Variants in MTMR8 observed in about 807,000 individuals in gnomAD.
The protein encoded by MTMR8 is phosphatidylinositol-3,5-bisphosphate 3-phosphatase MTMR8.
Under a neutral mutation model 39.3 loss-of-function variants are expected in MTMR8, and 65 were observed. That is an observed-to-expected ratio of 1.65 (90% CI 1.35 to 2.03). The LOEUF (loss-of-function observed/expected upper bound fraction) is 2.03. Ranked by LOEUF, MTMR8 falls within the 30% of genes most tolerant of loss-of-function variation. MTMR8 has a pLI of 0.00. For synonymous variants in MTMR8, 245 were observed against 185.2 expected (o/e 1.32, Z -2.62); for missense variants, 777 against 538.9 (o/e 1.44, Z -4.37).
chrX:64,374,484 G>A (rs1924210585), intron 1 of MTMR8, among the ~76,000 whole-genome samples: 1 of 111,886 alleles, frequency 8.9e-6, no homozygotes, highest in Non-Finnish European at 1.9e-5. Flanking sequence ...AATTAAAGAT[G>A]TCTAAGCACG....
intron 13 of MTMR8, among the ~76,000 whole-genome samples, chrX:64,269,513 A>G (rs1238946418): frequency 3.6e-5 from 4 of 111,447 alleles, no homozygotes; most frequent in African/African-American, 1.3e-4. Context: ...CTGACCCTGC[A>G]TCTGCCTGAT....
intron 1 of MTMR8, among the ~76,000 whole-genome samples, chrX:64,376,693 G>T (rs1026534443): frequency 8.9e-6 from 1 of 112,626 alleles, no homozygotes; most frequent in African/African-American, 3.2e-5. Flanking sequence ...TTGCAGCCTG[G>T]TCATGTGGTA....
chrX:64,348,967 C>T (rs762619899), intron 5 of MTMR8, among the ~76,000 whole-genome samples, 173 bp from the exon 6 acceptor site: 20 of 111,821 alleles, frequency 1.8e-4, no homozygotes, highest in Non-Finnish European at 1.9e-5. Flanking sequence ...TTGGGCTTAA[C>T]CTCCTGCCTA....
At chrX:64,315,036 A>C (rs1922425155) in intron 12 of MTMR8, among the ~76,000 whole-genome samples, 1 of 111,918 alleles carries the variant, frequency 8.9e-6, no homozygotes, top group Non-Finnish European at 1.9e-5. Flanking sequence ...ACTAAAGTCT[A>C]CTATGACAGC....
intron 1 of MTMR8, among the ~76,000 whole-genome samples, chrX:64,388,420 G>T (rs768127397): frequency 8.0e-5 from 9 of 111,883 alleles, no homozygotes; most frequent in Admixed American, 4.8e-4. Flanking sequence ...TGTAACAGGA[G>T]GAAGGAAGGG....
chrX:64,273,927 G>A lies in MTMR8; in HGVS notation c.1482-2854C>T, dbSNP rs1044613813. Among the ~76,000 whole-genome samples, 4 of 111,822 alleles carry A rather than the reference G, an allele frequency of 3.6e-5. No individual in the cohort carries two copies. The South Asian group carries it at 1.1e-3, about 31-fold the overall frequency. Reference sequence around the variant, plus strand: ...AAATATAACAATTATAAATGTATATGCATTCAACATCAAAATACCTAAATA... The same window carrying A: ...AAATATAACAATTATAAATGTATATACATTCAACATCAAAATACCTAAATA... On this transcript the variant is annotated intron_variant, in intron 12 of 13. Transcript: ENST00000374852.
At chrX:64,296,763 A>T (rs1345554033) in intron 12 of MTMR8, among the ~76,000 whole-genome samples, 2 of 83,274 alleles carry the variant, frequency 2.4e-5, no homozygotes, top group African/African-American at 4.8e-5. Context: ...CCAGAGTGTG[A>T]TATTCCCCTT....
intron 1 of MTMR8, among the ~76,000 whole-genome samples, chrX:64,367,313 G>T (rs769075607): frequency 4.7e-4 from 52 of 111,724 alleles, no homozygotes; most frequent in Non-Finnish European, 8.3e-4. Flanking sequence ...CAAAAAAAGA[G>T]AATTTTAGAC....
intron 12 of MTMR8, chrX:64,304,915 CATAT>C (rs1353698891): frequency 1.1e-4 from 5 of 45,096 alleles, no homozygotes; most frequent in Admixed American, 6.7e-4. Flanking sequence ...TATACACATA[CATAT>C]ATATATACAC....
intron 12 of MTMR8, among the ~76,000 whole-genome samples, chrX:64,272,595 C>T (rs1364918287): frequency 9.0e-6 from 1 of 110,924 alleles, no homozygotes; most frequent in African/African-American, 3.3e-5. Context: ...ATAGGAAGGA[C>T]TAGAAATCTT....
intron 1 of MTMR8, among the ~76,000 whole-genome samples, chrX:64,379,434 G>A (rs947864471): frequency 1.8e-5 from 2 of 111,499 alleles, no homozygotes; most frequent in African/African-American, 6.5e-5. Flanking sequence ...CCAGAAACTG[G>A]GCAGCTTAAG....
At chrX:64,325,750 C>T (rs1922772930) in intron 12 of MTMR8, among the ~76,000 whole-genome samples, 2 of 112,020 alleles carry the variant, frequency 1.8e-5, no homozygotes, top group Admixed American at 1.9e-4. Context: ...CCTACTTTTA[C>T]CACTTCTATT....
chrX:64,336,920 A>G (rs1415177421), intron 9 of MTMR8, among the ~76,000 whole-genome samples: 1 of 112,466 alleles, frequency 8.9e-6, no homozygotes, highest in East Asian at 2.8e-4. Flanking sequence ...GAAAACAATC[A>G]TAAGTCTGAC....
At chrX:64,295,905 G>C (rs1484959043) in intron 12 of MTMR8, among the ~76,000 whole-genome samples, 1 of 111,837 alleles carries the variant, frequency 8.9e-6, no homozygotes, top group Middle Eastern at 4.6e-3. Context: ...CTTCGAAGTC[G>C]TTTAAAAAGT....
At chrX:64,381,616 T>C (rs560951784) in intron 1 of MTMR8, among the ~76,000 whole-genome samples, 2 of 111,219 alleles carry the variant, frequency 1.8e-5, no homozygotes, top group Admixed American at 9.6e-5. Context: ...CAATTAGATC[T>C]CATTTGTCAA....
chrX:64,337,385 C>T lies in MTMR8; in HGVS notation c.984G>A (p.Lys328=). ...DAGIFITKAV[K]VEKASVLVHC... ...GGACTAAGACACTGGCCTTTTCTAC[C>T]TTCACTGCCTGTGAAGACAAGAGGC... is the stretch of plus-strand genomic sequence containing the variant. The change falls in exon 9 of 14, where the codon AAG becomes AAA. Residue 328 remains lysine, a synonymous_variant. Coordinates refer to ENST00000374852, the MANE Select transcript of MTMR8 (RefSeq NM_017677.4). 8.3e-7 allele frequency: 1 copy of T among 1,208,553 alleles called. No homozygotes were observed. The highest frequency in any genetic ancestry group is 1.1e-6 in the Non-Finnish European group (1 of 894,052).
intron 3 of MTMR8, among the ~76,000 whole-genome samples, chrX:64,355,656 G>A (rs767142328): frequency 2.3e-4 from 26 of 110,803 alleles, no homozygotes; most frequent in Non-Finnish European, 4.3e-4. Flanking sequence ...AGAGGAAGCT[G>A]GTTAATTGCC....
chrX:64,319,836 G>C (rs1002336155), intron 12 of MTMR8, among the ~76,000 whole-genome samples: 1 of 111,212 alleles, frequency 9.0e-6, no homozygotes, highest in South Asian at 3.9e-4. Context: ...GTCAGGTAGC[G>C]TGATGCCTCC....
At position 64,281,648 on chromosome X, in the gene MTMR8, T is replaced by C. The variant is rs190512740; in HGVS notation, c.1482-10575A>G. On this transcript the variant is annotated intron_variant, in intron 12 of 13. Transcript: ENST00000374852. ...TTCAGAAAATAGGCATGGGCAAAGA[T>C]TTTATGATGAAATTGCCAAAAGCAG... Among the ~76,000 whole-genome samples the C allele has an allele frequency of 1.4e-3, 161 of 111,739 alleles. 1 individual carries two copies. Among genetic ancestry groups the C allele is most frequent in the Non-Finnish European group, 2.4e-3 (130 of 53,135 alleles).
Sources: allele counts gnomAD v4.1 joint callset (sites outside exome capture counted in the v4.1 genomes callset), GRCh38; gene constraint gnomAD v4.1.1; transcripts MANE v1.5; gene names NCBI Gene and HGNC (gene_info 2026-07-23, HGNC 2026-07-21).